Variants in BLK observed in about 807,000 individuals in gnomAD.
BLK encodes tyrosine-protein kinase Blk.
Under a neutral mutation model 61.8 loss-of-function variants are expected in BLK, and 64 were observed. The ratio of observed to expected loss-of-function variants is 1.03; its 90% CI spans 0.85 to 1.27. The LOEUF is 1.27. Among genes scored for constraint, BLK ranks in the 50% most tolerant of loss-of-function variants. BLK has a pLI of 0.00. For synonymous variants in BLK, 351 were observed against 272.0 expected (o/e 1.29, Z -2.86); for missense variants, 853 against 660.5 (o/e 1.29, Z -3.19).
In BLK at chr8:11,561,074, G is replaced by A. The variant is rs751987846; in HGVS notation, c.1030-228G>A. 6 of 693,452 alleles carry A rather than the reference G, an allele frequency of 8.7e-6. No homozygotes were observed. The African/African-American group carries it at 8.8e-5, about 10-fold the overall frequency. The allele number at this position is 693,452 out of a possible 1,614,324, so 43.0% of individuals were successfully genotyped here. ...TGGAGCGAGAACGAGGAGGGGGAGG[G>A]GCACAGGTAGCCCCTGTGTCTCTGA... On this transcript the variant is annotated intron_variant, in intron 10 of 12. Coordinates refer to ENST00000259089, the MANE Select transcript of BLK (RefSeq NM_001715.3).
intron 1 of BLK, among the ~76,000 whole-genome samples, chr8:11,507,149 G>C (rs758962621): frequency 4.6e-5 from 7 of 152,228 alleles, no homozygotes; most frequent in Non-Finnish European, 1.0e-4. Flanking sequence ...AATGTACACT[G>C]TGATTTTACA....
In BLK at chr8:11,549,964, AG is replaced by A. The variant is rs113204389; in HGVS notation, c.369-194del. 1.4e-5 allele frequency: 9 copies of A among 643,654 alleles called. No individual in the cohort carries two copies. The African/African-American group carries it at 1.6e-4, about 12-fold the overall frequency. The allele number at this position is 643,654 out of a possible 1,614,324, so 39.9% of individuals were successfully genotyped here. A position where few individuals can be genotyped will look rare whatever the true frequency, so the allele number is the denominator to read the frequency against. ...AACAGTGAGTCCAGGGCTGACAGGA[AG>A]CGGAACTGGAAGGGCAGCGGGGCAG... On this transcript the variant is annotated intron_variant, in intron 5 of 12. Transcript: ENST00000259089.
intron 1 of BLK, among the ~76,000 whole-genome samples, chr8:11,514,443 G>C (rs555132107): frequency 6.6e-6 from 1 of 152,244 alleles, no homozygotes; most frequent in African/African-American, 2.4e-5. Flanking sequence ...AGGGATCTGA[G>C]GCCCAGCAGG....
chr8:11,563,958 C>A lies in BLK; in HGVS notation c.1368C>A (p.Arg456=). ...TGGAGCGCGGCTACCGCATGCCGCG[C>A]CCCGACACCTGCCCGCCCGAGCTGT... is the stretch of plus-strand genomic sequence containing the variant. ...RNLERGYRMP[R]PDTCPPELYR... Residue 456 remains arginine, a synonymous_variant, in exon 13 of 13, where the codon CGC becomes CGA. Coordinates refer to ENST00000259089, the MANE Select transcript of BLK (RefSeq NM_001715.3). The A allele has an allele frequency of 6.2e-7, 1 of 1,607,064 alleles. No homozygotes were observed. Among genetic ancestry groups the A allele is most frequent in the Non-Finnish European group, 8.5e-7 (1 of 1,179,336 alleles).
chr8:11,510,847 C>T lies in BLK; in HGVS notation c.-2+16256C>T, dbSNP rs568454280. On this transcript the variant is annotated intron_variant, in intron 1 of 12. Transcript: ENST00000259089. ...TAAATAAAGTGCCTCTTTGTTAAGG[C>T]AGTTGCTTCTATTTCTACTTTTTTA... Among the ~76,000 whole-genome samples, 5 of 152,046 alleles carry T rather than the reference C, an allele frequency of 3.3e-5. No individual in the cohort carries two copies. In the South Asian group the frequency reaches 8.3e-4, roughly 25 times the overall value.
chr8:11,554,666 A>T, intron 6 of BLK, 77 bp from the exon 7 acceptor site: 2 of 1,568,654 alleles, frequency 1.3e-6, no homozygotes, highest in Non-Finnish European at 1.7e-6. Flanking sequence ...TCAAAGCTTT[A>T]AAATGAGGCC....
intron 2 of BLK, among the ~76,000 whole-genome samples, chr8:11,545,526 G>A (rs566328677): frequency 6.6e-6 from 1 of 152,252 alleles, no homozygotes; most frequent in Non-Finnish European, 1.5e-5. Flanking sequence ...TCCAGCCTGG[G>A]CAACAGAGCG....
chr8:11,551,444 C>A (rs1040933876), intron 6 of BLK, among the ~76,000 whole-genome samples: 5 of 152,174 alleles, frequency 3.3e-5, no homozygotes, highest in Admixed American at 6.5e-5. Flanking sequence ...TAGGGCCCAC[C>A]CATATGACCT....
chr8:11,509,614 G>C (rs964838316), intron 1 of BLK: 4 of 152,162 alleles, frequency 2.6e-5, no homozygotes, highest in African/African-American at 9.7e-5. Flanking sequence ...GTGGCGACCC[G>C]GCTGCCTTTT....
At chr8:11,496,871 G>A (rs1428155472) in intron 1 of BLK, among the ~76,000 whole-genome samples, 1 of 152,204 alleles carries the variant, frequency 6.6e-6, no homozygotes, top group Non-Finnish European at 1.5e-5. Flanking sequence ...CTAGGATGTA[G>A]AGAGGGGACT....
Position 11,562,974 on chromosome 8 carries a change from C to G in BLK, c.1181-5C>G. 6.2e-7 allele frequency: 1 copy of G among 1,614,036 alleles called. No homozygotes were observed. The highest frequency in any genetic ancestry group is 1.1e-5 in the South Asian group (1 of 91,092). On this transcript the variant is annotated splice_polypyrimidine_tract_variant and splice_region_variant and intron_variant, in intron 11 of 12. Coordinates refer to ENST00000259089, the MANE Select transcript of BLK (RefSeq NM_001715.3). ...CTCCCAAAGCTTGCATGGCTTTTCC[C>G]ACAGGGGCCAAGTTCCCCATCAAGT...
At chr8:11,548,938 A>T in intron 4 of BLK, 86 bp from the exon 5 acceptor site, 1 of 1,194,592 alleles carries the variant, frequency 8.4e-7, no homozygotes, top group Non-Finnish European at 1.2e-6. Flanking sequence ...CTCCAGGGAG[A>T]GATGACTTTG....
chr8:11,535,301 A>AAAGAAAGAAAGAAAGAAAGAAAGAAAAG, intron 1 of BLK, among the ~76,000 whole-genome samples: 1 of 146,052 alleles, frequency 6.8e-6, no homozygotes, highest in African/African-American at 2.5e-5. Context: ...AGAAAGAAAG[A>AAAGAAAGAAAGAAAGAAAGAAAGAAAAG]AAGAAAGAAA....
intron 1 of BLK, among the ~76,000 whole-genome samples, chr8:11,542,907 C>G (rs1305480946): frequency 1.3e-5 from 2 of 152,164 alleles, no homozygotes; most frequent in Admixed American, 6.5e-5. Context: ...TCTAGAACAC[C>G]ACGTGGCCTC....
In BLK at chr8:11,554,642, T is replaced by C. The variant is rs573137329; in HGVS notation, c.473-101T>C. ...GGAGTGCTGATAATGAAGAACAGAA[T>C]TGGGGAACTTTTTTCAAAGCTTTAA... On this transcript the variant is annotated intron_variant, in intron 6 of 12. Coordinates refer to ENST00000259089, the MANE Select transcript of BLK (RefSeq NM_001715.3). 1.7e-3 allele frequency: 2,365 copies of C among 1,418,510 alleles called. 8 individuals carry two copies. The highest frequency in any genetic ancestry group is 2.8e-3 in the South Asian group (245 of 86,020). 87.9% of individuals were successfully genotyped at this position (1,418,510 alleles called of 1,614,324 possible).
intron 2 of BLK, chr8:11,545,747 G>C: frequency 4.4e-6 from 2 of 452,918 alleles, no homozygotes; most frequent in Non-Finnish European, 8.1e-6. Flanking sequence ...ATCTTGTAAT[G>C]GTAGAGCCAG....
intron 1 of BLK, among the ~76,000 whole-genome samples, chr8:11,542,917 C>T (rs1376159856): frequency 6.6e-6 from 1 of 152,218 alleles, no homozygotes; most frequent in African/African-American, 2.4e-5. Context: ...CACGTGGCCT[C>T]CCGCTCAGGC....
chr8:11,508,150 C>T (rs1029694330), intron 1 of BLK, among the ~76,000 whole-genome samples: 1 of 152,210 alleles, frequency 6.6e-6, no homozygotes, highest in African/African-American at 2.4e-5. Context: ...ACTGTTTGAC[C>T]CCAAAGCCAG....
intron 1 of BLK, among the ~76,000 whole-genome samples, chr8:11,505,018 A>G (rs986180132): frequency 6.6e-6 from 1 of 152,154 alleles, no homozygotes; most frequent in Non-Finnish European, 1.5e-5. Flanking sequence ...ATAAGAATAC[A>G]CACAGAAACA....
Sources: allele counts gnomAD v4.1 joint callset (sites outside exome capture counted in the v4.1 genomes callset), GRCh38; gene constraint gnomAD v4.1.1; transcripts MANE v1.5; gene names NCBI Gene and HGNC (gene_info 2026-07-23, HGNC 2026-07-21).